The following EYS variants were observed in gnomAD, a reference collection of about 807,000 sequenced individuals.
The protein encoded by EYS is EGF-like photoreceptor maintenance factor, also known as protein eyes shut homolog.
A neutral mutation model predicts 282.1 loss-of-function variants in EYS; 250 were observed. The observed-to-expected ratio is 0.89, with a 90% CI of 0.80 to 0.98. EYS has a LOEUF of 0.98. Among genes scored for constraint, EYS ranks in the 50% least tolerant of loss-of-function variants. The pLI, the probability that EYS is intolerant of heterozygous loss-of-function variation, is 0.00. For synonymous variants in EYS, 1,355 were observed against 1,282.9 expected (o/e 1.06, Z -1.20); for missense variants, 4,016 against 3,709.0 (o/e 1.08, Z -2.15).
At chr6:65,503,753 G>A (rs4710292) in intron 2 of EYS, among the ~76,000 whole-genome samples, 75,624 of 151,334 alleles carry the variant, frequency 0.5, 19,623 homozygotes, top group African/African-American at 0.62. Flanking sequence ...ATTTATCACA[G>A]ATTAGTTGAC....
At position 64,507,117 on chromosome 6, in the gene EYS, T is replaced by C. The variant is rs555814064; in HGVS notation, c.5645-67765A>G. Among the ~76,000 whole-genome samples, 19 of 151,906 alleles carry C rather than the reference T, an allele frequency of 1.3e-4. 1 individual carries two copies. In the South Asian group the frequency reaches 3.9e-3, roughly 32 times the overall value. On this transcript the variant is annotated intron_variant, in intron 26 of 42. Coordinates refer to ENST00000503581, the MANE Select transcript of EYS (RefSeq NM_001142800.2). Reference sequence around the variant, plus strand: ...GGTAACATGGTACTGACAACCATCATCTTGTTATCAAAATATATTTGAAAA... The same window carrying C: ...GGTAACATGGTACTGACAACCATCACCTTGTTATCAAAATATATTTGAAAA...
At chr6:64,178,213 T>G (rs960562428) in intron 31 of EYS, among the ~76,000 whole-genome samples, 1 of 152,096 alleles carries the variant, frequency 6.6e-6, no homozygotes, top group Non-Finnish European at 1.5e-5. Flanking sequence ...CCAGTTGCAT[T>G]GCTATCTACC....
chr6:65,457,442 G>A (rs1218265956), intron 5 of EYS, among the ~76,000 whole-genome samples: 4 of 152,068 alleles, frequency 2.6e-5, no homozygotes, highest in East Asian at 1.9e-4. Context: ...TAGAATTATA[G>A]ATGTGAGGCA....
chr6:64,617,676 G>C, intron 23 of EYS, 143 bp from the exon 24 acceptor site: 1 of 625,168 alleles, frequency 1.6e-6, no homozygotes, highest in Non-Finnish European at 2.8e-6. Flanking sequence ...GTATCTTCAT[G>C]ATCAGTTTAT....
intron 28 of EYS, among the ~76,000 whole-genome samples, chr6:64,393,293 C>T (rs552869446): frequency 2.4e-4 from 36 of 152,294 alleles, no homozygotes; most frequent in African/African-American, 8.4e-4. Flanking sequence ...AGGCCAGCAT[C>T]ATTCTGATAC....
chr6:65,371,509 T>C (rs925717739), intron 8 of EYS, among the ~76,000 whole-genome samples: 3 of 151,752 alleles, frequency 2.0e-5, no homozygotes, highest in Non-Finnish European at 4.4e-5. Context: ...GGTGAAAATT[T>C]GGGTGTAAAT....
At position 64,822,683 on chromosome 6, in the gene EYS, A is replaced by T; in HGVS notation, c.3132T>A (p.Asn1044Lys). ...FFGTHCETNA[N>K]DCLSNPCLHG... ...GTAGACAAGGATTTGAAAGGCAATC[A>T]TTGGCGTTTGTTTCACAGTGTGTTC... is the stretch of plus-strand genomic sequence containing the variant. The change falls in exon 20 of 43, where the codon AAT (asparagine) becomes AAA (lysine). Residue 1044 changes from asparagine (N) to lysine (K), a missense_variant. By Grantham distance (94) the Asn-to-Lys change is moderately conservative. Coordinates refer to ENST00000503581, the MANE Select transcript of EYS (RefSeq NM_001142800.2). 4 of 1,545,054 alleles carry T rather than the reference A, an allele frequency of 2.6e-6. No individual in the cohort carries two copies. The highest frequency in any genetic ancestry group is 3.5e-6 in the Non-Finnish European group (4 of 1,144,688).
chr6:65,173,338 A>C (rs1011677747), intron 12 of EYS, among the ~76,000 whole-genome samples: 1 of 151,446 alleles, frequency 6.6e-6, no homozygotes, highest in Non-Finnish European at 1.5e-5. Context: ...ATGAGACAGA[A>C]CTTCTTGCTA....
At chr6:64,532,885 A>G (rs1030368743) in intron 26 of EYS, among the ~76,000 whole-genome samples, 5 of 152,212 alleles carry the variant, frequency 3.3e-5, no homozygotes, top group Admixed American at 3.3e-4. Flanking sequence ...AGTTGGAGCA[A>G]CCCCCTATTT....
In EYS at chr6:64,139,798, G is replaced by A. The variant is rs562399831; in HGVS notation, c.6425-57796C>T. Among the ~76,000 whole-genome samples, 13 of 151,880 alleles carry A rather than the reference G, an allele frequency of 8.6e-5. No homozygotes were observed. In the South Asian group the frequency reaches 1.9e-3, roughly 22 times the overall value. ...AGCCTGGCCAAGATGGGAAAACCCC[G>A]TCTCTACTAAAAATACAAAAATTAG... On this transcript the variant is annotated intron_variant, in intron 31 of 42. Coordinates refer to ENST00000503581, the MANE Select transcript of EYS (RefSeq NM_001142800.2).
At chr6:63,981,327 A>G (rs1235407830) in intron 35 of EYS, among the ~76,000 whole-genome samples, 1 of 151,708 alleles carries the variant, frequency 6.6e-6, no homozygotes, top group African/African-American at 2.4e-5. Flanking sequence ...TCTTGTATTA[A>G]ACTTCTGATA....
At chr6:64,543,331 G>C (rs73767335) in intron 26 of EYS, among the ~76,000 whole-genome samples, 7,883 of 152,108 alleles carry the variant, frequency 0.052, 470 homozygotes, top group African/African-American at 0.14. Context: ...TATTAAAATG[G>C]AGGTAAATTA....
chr6:64,742,335 A>T (rs1772403942), intron 22 of EYS, among the ~76,000 whole-genome samples: 1 of 152,182 alleles, frequency 6.6e-6, no homozygotes, highest in Non-Finnish European at 1.5e-5. Context: ...GTAGCATCAA[A>T]GATCACTAAT....
chr6:65,234,426 G>A (rs1766868581), intron 12 of EYS, among the ~76,000 whole-genome samples: 1 of 152,200 alleles, frequency 6.6e-6, no homozygotes, highest in African/African-American at 2.4e-5. Flanking sequence ...TCCCTGAGGA[G>A]GAACTTCTTC....
At chr6:65,624,804 C>T (rs1344615541) in intron 2 of EYS, among the ~76,000 whole-genome samples, 5 of 152,176 alleles carry the variant, frequency 3.3e-5, no homozygotes, top group Non-Finnish European at 7.3e-5. Flanking sequence ...GTCAGGGGCT[C>T]TTGGGCCTTT....
In EYS at chr6:65,407,744, CGTGTGTGTGTGTGTGTGT is replaced by C. The variant is rs71002305; in HGVS notation, c.863-2395_863-2378del. Among the ~76,000 whole-genome samples, 57 of 144,218 alleles carry C rather than the reference CGTGTGTGTGTGTGTGTGT, an allele frequency of 4.0e-4. 1 individual carries two copies. In the South Asian group the frequency reaches 4.9e-3, roughly 12 times the overall value. The allele number at this position is 144,218 out of a possible 152,430, so 94.6% of individuals were successfully genotyped here. ...CTGCTTTCCTTTCAACTAATAAGTC[CGTGTGTGTGTGTGTGTGT>C]GTGTGTGTGTGTGTGTGTGTGTGTA... On this transcript the variant is annotated intron_variant, in intron 5 of 42. Transcript: ENST00000503581.
At chr6:64,732,122 G>A (rs977700543) in intron 22 of EYS, among the ~76,000 whole-genome samples, 1 of 152,020 alleles carries the variant, frequency 6.6e-6, no homozygotes, top group Admixed American at 6.6e-5. Flanking sequence ...GAGAACACAT[G>A]GACACAGGGA....
intron 30 of EYS, among the ~76,000 whole-genome samples, chr6:64,296,604 T>A (rs1251091490): frequency 8.4e-4 from 9 of 10,682 alleles, no homozygotes; most frequent in East Asian, 2.1e-3. Context: ...ATATATTTTT[T>A]TTTTTTTTTT....
intron 5 of EYS, among the ~76,000 whole-genome samples, chr6:65,426,209 C>T (rs1393585747): frequency 6.6e-6 from 1 of 151,960 alleles, no homozygotes; most frequent in Non-Finnish European, 1.5e-5. Flanking sequence ...AAACTTACGG[C>T]CTCAAGGGAT....
Sources: gnomAD v4.1 joint callset for allele counts (sites outside exome capture counted in the v4.1 genomes callset) on GRCh38, gnomAD v4.1.1 for gene constraint, MANE v1.5 for transcripts, NCBI Gene and HGNC (gene_info 2026-07-23, HGNC 2026-07-21) for gene names.